FRMPD1: variants seen among roughly 807,000 people sequenced by gnomAD.
FRMPD1 encodes the protein FERM and PDZ domain containing 1, also known as FERM and PDZ domain-containing protein 1.
FRMPD1 carries 76 observed loss-of-function variants against 117.8 expected under a neutral mutation model. The ratio of observed to expected loss-of-function variants is 0.65; its 90% CI spans 0.54 to 0.78. FRMPD1 has a LOEUF of 0.78. Ranked by LOEUF, FRMPD1 falls within the 30% of genes least tolerant of loss-of-function variation. FRMPD1 has a pLI of 0.00. For missense variants in FRMPD1, 1,786 were observed against 1,964.5 expected, an observed-to-expected ratio of 0.91 and a Z score of 1.72; for synonymous variants, 783 against 770.4, an observed-to-expected ratio of 1.02 and a Z score of -0.27.
chr9:37,707,037 C>T (rs901499060), intron 2 of FRMPD1, among the ~76,000 whole-genome samples: 8 of 152,160 alleles, frequency 5.3e-5, no homozygotes, highest in Non-Finnish European at 4.4e-5. Flanking sequence ...AGGATCTGGG[C>T]TGTATAGGTA....
intron 7 of FRMPD1, among the ~76,000 whole-genome samples, chr9:37,727,225 A>C (rs769471771): frequency 6.6e-6 from 1 of 152,136 alleles, no homozygotes; most frequent in Non-Finnish European, 1.5e-5. Context: ...GTTCTTGAGC[A>C]AGGGAGAGCA....
chr9:37,611,722 G>C, the FRMPD1 span, among the ~76,000 whole-genome samples: 1 of 152,144 alleles, frequency 6.6e-6, no homozygotes, highest in African/African-American at 2.4e-5. Flanking sequence ...TGTATGCATA[G>C]CTTTGGGTTT....
intron 4 of FRMPD1, among the ~76,000 whole-genome samples, chr9:37,709,124 C>T (rs375407230): frequency 2.0e-5 from 3 of 152,020 alleles, no homozygotes; most frequent in Non-Finnish European, 4.4e-5. Context: ...GACTTTAAGA[C>T]GGAGGAGTGC....
intron 1 of FRMPD1, among the ~76,000 whole-genome samples, chr9:37,683,903 C>T (rs945995550): frequency 6.7e-6 from 1 of 149,440 alleles, no homozygotes; most frequent in African/African-American, 2.5e-5. Context: ...GGGGGAACAA[C>T]AGGTAATACA....
chr9:37,734,637 ATGCATCT>A (rs1824041593), intron 12 of FRMPD1, among the ~76,000 whole-genome samples: 1 of 152,160 alleles, frequency 6.6e-6, no homozygotes, highest in South Asian at 2.1e-4. Flanking sequence ...AAGATTTGGT[ATGCATCT>A]CAGTCATTTA....
At chr9:37,700,507 C>A (rs1588940004) in intron 2 of FRMPD1, among the ~76,000 whole-genome samples, 1 of 152,212 alleles carries the variant, frequency 6.6e-6, no homozygotes, top group East Asian at 1.9e-4. Context: ...TTCTCCACAT[C>A]CTGCTGGAAC....
chr9:37,678,889 C>T (rs532777332), intron 1 of FRMPD1, among the ~76,000 whole-genome samples: 1 of 152,380 alleles, frequency 6.6e-6, no homozygotes, highest in African/African-American at 2.4e-5. Context: ...AGATAGACTG[C>T]ACTTGGCCTG....
At chr9:37,724,385 G>A (rs1264870269) in intron 7 of FRMPD1, 65 bp downstream of exon 7, 4 of 846,912 alleles carry the variant, frequency 4.7e-6, no homozygotes, top group Admixed American at 3.6e-5. Context: ...GACCCCCCAG[G>A]CATCTTGCCC....
At chr9:37,725,971 A>T (rs1823599888) in intron 7 of FRMPD1, among the ~76,000 whole-genome samples, 1 of 152,116 alleles carries the variant, frequency 6.6e-6, no homozygotes, top group African/African-American at 2.4e-5. Flanking sequence ...AGAAGGGTTG[A>T]TTTTTTTTAA....
At position 37,737,226 on chromosome 9, in the gene FRMPD1, G is replaced by A. The variant is rs758980439; in HGVS notation, c.1532G>A (p.Arg511Gln). The change falls in exon 14 of 16, where the codon CGG becomes CAG. Residue 511 changes from arginine (R) to glutamine (Q), a missense_variant. Coordinates refer to ENST00000377765, the MANE Select transcript of FRMPD1 (RefSeq NM_014907.3). ...LWPGNKQQAH[R>Q]VSAEEGYESR... ...CCTGGAAACAAACAACAAGCGCACCGGGTATCTGCAGAAGAAGGTGAGGCA... is the reference window on the plus strand; with the variant it reads ...CCTGGAAACAAACAACAAGCGCACCAGGTATCTGCAGAAGAAGGTGAGGCA... 1.6e-5 allele frequency: 26 copies of A among 1,613,924 alleles called. No individual in the cohort carries two copies. Among genetic ancestry groups the A allele is most frequent in the Middle Eastern group, 1.6e-4 (1 of 6,082 alleles).
intron 1 of FRMPD1, among the ~76,000 whole-genome samples, chr9:37,685,427 A>G (rs1002461587): frequency 2.6e-5 from 4 of 152,062 alleles, no homozygotes; most frequent in Non-Finnish European, 4.4e-5. Context: ...GCGGATCACA[A>G]AGTCAGGAGA....
Position 37,740,463 on chromosome 9 carries a change from G to A in FRMPD1, c.1935G>A (p.Glu645=), listed in dbSNP as rs745646059. 1.2e-6 allele frequency: 2 copies of A among 1,614,236 alleles called. No individual in the cohort carries two copies. The highest frequency in any genetic ancestry group is 2.2e-5 in the South Asian group (2 of 91,082). The change falls in exon 15 of 16, where the codon GAG becomes GAA. Residue 645 remains glutamate (E), a synonymous_variant. Coordinates refer to ENST00000377765, the MANE Select transcript of FRMPD1 (RefSeq NM_014907.3). This position sits in a 1 kb window ranked among gnomAD's most constrained non-coding sequence, Gnocchi z 4.2. ...LAESIDSDSQ[E]ERSGIETSGF... ...AGAGCATTGACTCTGACAGCCAGGA[G>A]GAGAGAAGCGGGATTGAAACCAGTG...
At chr9:37,727,801 G>A (rs1359342150) in intron 7 of FRMPD1, 1 of 151,940 alleles carries the variant, frequency 6.6e-6, no homozygotes, top group East Asian at 1.9e-4. Context: ...GGGTAGTTAT[G>A]GGGGGTGATG....
chr9:37,653,229 CA>C (rs2119358200), intron 1 of FRMPD1, among the ~76,000 whole-genome samples: 1 of 152,200 alleles, frequency 6.6e-6, no homozygotes, highest in South Asian at 2.1e-4. Context: ...TCCAAACTCA[CA>C]AGATTAAATG....
intron 7 of FRMPD1, among the ~76,000 whole-genome samples, chr9:37,727,249 G>T (rs1017108697): frequency 2.0e-5 from 3 of 152,062 alleles, no homozygotes; most frequent in Non-Finnish European, 4.4e-5. Flanking sequence ...CCAGTACAAG[G>T]CTTAGACAAA....
In FRMPD1 at chr9:37,718,484, A is replaced by G. The variant is rs574428506; in HGVS notation, c.409-585A>G. Among the ~76,000 whole-genome samples, 43 of 152,358 alleles carry G rather than the reference A, an allele frequency of 2.8e-4. 2 individuals are homozygous for G. In the South Asian group the frequency reaches 8.7e-3, roughly 31 times the overall value. On this transcript the variant is annotated intron_variant, in intron 5 of 15. Transcript: ENST00000377765. ...TACAATCTAGTCCAAAGTCTTCACC[A>G]TATACTCATACCAACCTGTGATGAC...
intron 4 of FRMPD1, among the ~76,000 whole-genome samples, chr9:37,709,480 G>A (rs1430532521): frequency 1.3e-5 from 2 of 151,676 alleles, no homozygotes; most frequent in Non-Finnish European, 2.9e-5. Context: ...GCTTGAACCC[G>A]GGAGGCAGAG....
At chr9:37,722,445 TC>T (rs1198274726) in intron 6 of FRMPD1, among the ~76,000 whole-genome samples, 1 of 152,236 alleles carries the variant, frequency 6.6e-6, no homozygotes. Flanking sequence ...TTTGCTCCTG[TC>T]GCCCTGGCTG....
chr9:37,720,875 G>A (rs1823370935), intron 6 of FRMPD1, among the ~76,000 whole-genome samples: 1 of 152,258 alleles, frequency 6.6e-6, no homozygotes, highest in Admixed American at 6.5e-5. Flanking sequence ...GACAGAGTGA[G>A]ACTTCGTCTC....
Sources: allele counts gnomAD v4.1 joint callset (sites outside exome capture counted in the v4.1 genomes callset), GRCh38; gene constraint gnomAD v4.1.1; non-coding constraint Gnocchi (gnomAD v3.1); transcripts MANE v1.5; gene names NCBI Gene and HGNC (gene_info 2026-07-23, HGNC 2026-07-21).